The following CHAMP1 variants were observed in gnomAD, a reference collection of about 807,000 sequenced individuals.
The protein encoded by CHAMP1 is chromosome alignment-maintaining phosphoprotein 1.
Under a neutral mutation model 54.5 loss-of-function variants are expected in CHAMP1, and 4 were observed. The observed-to-expected ratio is 0.07, with a 90% confidence interval of 0.04 to 0.17. The LOEUF is 0.17. CHAMP1 is among the 10% of genes least tolerant of loss of function. The pLI, the probability that CHAMP1 is intolerant of heterozygous loss-of-function variation, is 1.00. For missense variants in CHAMP1, 994 were observed against 968.6 expected (o/e 1.03, Z -0.35); for synonymous variants, 368 against 342.2 (o/e 1.08, Z -0.83).
chr13:114,326,741 A>C lies in CHAMP1; in HGVS notation c.*460A>C, dbSNP rs1304256671. 6.0e-6 allele frequency: 1 copy of C among 167,230 alleles called. No homozygotes were observed. Among genetic ancestry groups the C allele is most frequent in the Non-Finnish European group, 1.5e-5 (1 of 68,344 alleles). The allele number at this position is 167,230 out of a possible 1,614,324, so 10.4% of individuals were successfully genotyped here. ...TTTTAAATCATAAGAGTTATTTTCTATCTGATGTAAAATTAGTTTATAAAT... is the reference window on the plus strand; with the variant it reads ...TTTTAAATCATAAGAGTTATTTTCTCTCTGATGTAAAATTAGTTTATAAAT... On this transcript the variant is annotated 3_prime_UTR_variant, in exon 3 of 3. Coordinates refer to ENST00000361283, the MANE Select transcript of CHAMP1 (RefSeq NM_032436.4).
In CHAMP1 at chr13:114,326,551, A is replaced by G. The variant is rs1268502465; in HGVS notation, c.*270A>G. ...AATATGTATGAATAATAATACAAGG[A>G]AGTAGGCATTCCATTTAATAATCAA... On this transcript the variant is annotated 3_prime_UTR_variant, in exon 3 of 3. Transcript: ENST00000361283. The G allele has an allele frequency of 6.6e-6, 2 of 303,964 alleles. No homozygotes were observed. Among genetic ancestry groups the G allele is most frequent in the Non-Finnish European group, 1.3e-5 (2 of 158,604 alleles). The allele number at this position is 303,964 out of a possible 1,614,324, so 18.8% of individuals were successfully genotyped here.
Position 114,325,837 on chromosome 13 carries a change from T to C in CHAMP1, c.1995T>C (p.Phe665=), listed in dbSNP as rs1555379924. 1 of 1,614,154 alleles carries C rather than the reference T, an allele frequency of 6.2e-7. No individual in the cohort carries two copies. The highest frequency in any genetic ancestry group is 2.2e-5 in the East Asian group (1 of 44,876). The change falls in exon 3 of 3, where the codon TTT becomes TTC. Residue 665 remains phenylalanine, a synonymous_variant. Transcript: ENST00000361283. ...AGGTTGATGTGGAATCCATTGATTT[T>C]AGCAAAGAGAACAAAATGGACATGA... The part of the protein sequence containing the change: ...QEQVDVESID[F]SKENKMDMTS...
At chr13:114,322,587 T>G (rs1444327039) in intron 2 of CHAMP1, 1 of 152,218 alleles carries the variant, frequency 6.6e-6, no homozygotes. Context: ...AATAGAAGTT[T>G]TTGAGAGTTT....
At chr13:114,320,760 T>C (rs1348607436) in intron 1 of CHAMP1, among the ~76,000 whole-genome samples, 16 of 151,978 alleles carry the variant, frequency 1.1e-4, no homozygotes, top group Admixed American at 6.6e-5. Flanking sequence ...ATCGAGACCA[T>C]CCTGGCTAAC....
rs1008103994 is a variant in CHAMP1, at chr13:114,324,629, G to C, written c.787G>C (p.Ala263Pro). The C allele has an allele frequency of 6.2e-7, 1 of 1,613,990 alleles. No individual in the cohort carries two copies. Among genetic ancestry groups the C allele is most frequent in the South Asian group, 1.1e-5 (1 of 91,060 alleles). The change falls in exon 3 of 3, where the codon GCA becomes CCA. Residue 263 changes from alanine to proline, a missense_variant. Transcript: ENST00000361283. ...SPEPWGPSPA[A>P]SPESRKSART... ...AGAACCTTGGGGACCATCCCCAGCT[G>C]CATCTCCAGAATCTCGGAAGTCAGC...
chr13:114,322,293 T>G (rs1555379193), intron 2 of CHAMP1: 1 of 152,162 alleles, frequency 6.6e-6, no homozygotes, highest in African/African-American at 2.4e-5. Context: ...CTGCCCGGCC[T>G]CCCAAAGTGC....
rs185537495 is a variant in CHAMP1, at chr13:114,320,810, G to T, written c.-178-300G>T. Among the ~76,000 whole-genome samples, 502 of 152,152 alleles carry T rather than the reference G, an allele frequency of 3.3e-3. 4 individuals carry two copies. The highest frequency in any genetic ancestry group is 0.011 in the African/African-American group (475 of 41,508). The stretch of plus-strand genomic sequence containing the variant: ...TCTCTACTAAAAATACAAAAAACTA[G>T]CCGGGCGTGGTGGCGGGCGCCTGTA... On this transcript the variant is annotated intron_variant, in intron 1 of 2. Coordinates refer to ENST00000361283, the MANE Select transcript of CHAMP1 (RefSeq NM_032436.4).
chr13:114,325,077 T>A lies in CHAMP1; in HGVS notation c.1235T>A (p.Val412Asp), dbSNP rs2087227058. The A allele has an allele frequency of 6.2e-7, 1 of 1,614,066 alleles. No homozygotes were observed. The highest frequency in any genetic ancestry group is 8.5e-7 in the Non-Finnish European group (1 of 1,180,006). ...PTLSPEHWKA[V>D]PPVSPELRKP... The stretch of plus-strand genomic sequence containing the variant: ...TTGTCTCCTGAACATTGGAAGGCAG[T>A]TCCCCCAGTGTCTCCAGAGCTTCGC... The change falls in exon 3 of 3, where the codon GTT becomes GAT. Residue 412 changes from valine to aspartate, a missense_variant. Val to Asp is a radical substitution (Grantham distance 152). Around this residue, in one of 3 missense-constraint regions of CHAMP1, gnomAD observed 851 missense variants for 701.3 expected, o/e 1.21. Transcript: ENST00000361283.
At chr13:114,318,461 C>T (rs2087126865) in intron 1 of CHAMP1, among the ~76,000 whole-genome samples, 1 of 152,000 alleles carries the variant, frequency 6.6e-6, no homozygotes, top group Non-Finnish European at 1.5e-5. Context: ...GTAGCTGGGA[C>T]TATAGGTGCA....
rs1555379668 is a variant in CHAMP1, at chr13:114,324,974, A to C, written c.1132A>C (p.Ser378Arg). Residue 378 changes from serine (S) to arginine (R), a missense_variant, in exon 3 of 3, where the codon AGC (serine) becomes CGC (arginine). This residue lies in a region of CHAMP1 where 851 missense variants were observed against 701.3 expected (regional missense o/e 1.21). Transcript: ENST00000361283. ...CTGGAAATCTTCATCAGTCTCACCCAGCTCCTGGAAGTCTCCCCCTGCATC... is the reference window on the plus strand; with the variant it reads ...CTGGAAATCTTCATCAGTCTCACCCCGCTCCTGGAAGTCTCCCCCTGCATC... ...ASWKSSSVSP[S>R]SWKSPPASPE... 6.2e-7 allele frequency: 1 copy of C among 1,613,868 alleles called. No individual in the cohort carries two copies. The highest frequency in any genetic ancestry group is 8.5e-7 in the Non-Finnish European group (1 of 1,179,976).
Position 114,326,117 on chromosome 13 carries a change from G to A in CHAMP1, c.2275G>A (p.Ala759Thr). The stretch of plus-strand genomic sequence containing the variant: ...ATCTCTCCTTAAAAATCATGTAGCA[G>A]CCCATGGGCAAAGTTTACTTAAATG... ...LESLLKNHVA[A>T]HGQSLLKCPR... Residue 759 changes from alanine (A) to threonine (T), a missense_variant, in exon 3 of 3, where the codon GCC becomes ACC. Around this residue, in one of 3 missense-constraint regions of CHAMP1, gnomAD observed 59 missense variants for 146.7 expected, o/e 0.40. Coordinates refer to ENST00000361283, the MANE Select transcript of CHAMP1 (RefSeq NM_032436.4). 6.2e-7 allele frequency: 1 copy of A among 1,613,180 alleles called. No homozygotes were observed. Among genetic ancestry groups the A allele is most frequent in the South Asian group, 1.1e-5 (1 of 90,872 alleles).
intron 1 of CHAMP1, among the ~76,000 whole-genome samples, chr13:114,320,824 C>T (rs1195195793): frequency 1.3e-5 from 2 of 152,034 alleles, no homozygotes; most frequent in South Asian, 2.1e-4. Context: ...GGCGTGGTGG[C>T]GGGCGCCTGT....
In CHAMP1 at chr13:114,323,765, A is replaced by G. The variant is rs184650795; in HGVS notation, c.-55-23A>G. 3 of 1,499,510 alleles carry G rather than the reference A, an allele frequency of 2.0e-6. No individual in the cohort carries two copies. The East Asian group carries it at 6.8e-5, about 34-fold the overall frequency. 92.9% of individuals were successfully genotyped at this position (1,499,510 alleles called of 1,614,324 possible). A position where few individuals can be genotyped will look rare whatever the true frequency, so the allele number is the denominator to read the frequency against. On this transcript the variant is annotated intron_variant, in intron 2 of 2. Transcript: ENST00000361283. ...ATTCAGAATTACAGTTCATGAAAAT[A>G]ATTTATTCCTACTTTATTGCAGCAG...
intron 1 of CHAMP1, among the ~76,000 whole-genome samples, chr13:114,315,521 A>G (rs2087086046): frequency 6.6e-6 from 1 of 152,234 alleles, no homozygotes; most frequent in Non-Finnish European, 1.5e-5. Flanking sequence ...ACCATTGTTC[A>G]TCTTTAGAAA....
Position 114,324,263 on chromosome 13 carries a change from T to G in CHAMP1, c.421T>G (p.Leu141Val). The change falls in exon 3 of 3, where the codon TTG becomes GTG. Residue 141 changes from leucine (L) to valine (V), a missense_variant. Leu to Val is a conservative substitution (Grantham distance 32). Transcript: ENST00000361283. ...SMETQKLGSV[L>V]SPESPKPTPL... is the part of the protein sequence containing the mutation. ...GGAAACACAGAAACTTGGTTCAGTT[T>G]TGTCTCCAGAATCGCCAAAACCTAC... 4 of 1,614,166 alleles carry G rather than the reference T, an allele frequency of 2.5e-6. No homozygotes were observed. The highest frequency in any genetic ancestry group is 3.4e-6 in the Non-Finnish European group (4 of 1,180,022).
intron 1 of CHAMP1, among the ~76,000 whole-genome samples, chr13:114,318,099 C>T (rs1050668388): frequency 2.0e-5 from 3 of 152,128 alleles, no homozygotes; most frequent in African/African-American, 7.2e-5. Context: ...GTAACATCTT[C>T]GTGGATCGTT....
At chr13:114,315,858 G>A (rs943363909) in intron 1 of CHAMP1, among the ~76,000 whole-genome samples, 33 of 142,100 alleles carry the variant, frequency 2.3e-4, no homozygotes, top group African/African-American at 6.1e-4. Context: ...TTTTTGAGAC[G>A]GGAGTTTCGC....
Position 114,317,405 on chromosome 13 carries a change from C to G in CHAMP1, c.-179+2762C>G, listed in dbSNP as rs186375093. Among the ~76,000 whole-genome samples the G allele has an allele frequency of 4.7e-3, 718 of 151,992 alleles. 7 individuals are homozygous for G. The highest frequency in any genetic ancestry group is 8.0e-3 in the Admixed American group (123 of 15,282). ...CTTTGAGAGGCCAAGGCAACAAGAT[C>G]TCTGGAGGCCAGGAGTTCAGGACCA... On this transcript the variant is annotated intron_variant, in intron 1 of 2. Coordinates refer to ENST00000361283, the MANE Select transcript of CHAMP1 (RefSeq NM_032436.4).
At chr13:114,315,698 A>T (rs2087088416) in intron 1 of CHAMP1, among the ~76,000 whole-genome samples, 1 of 152,204 alleles carries the variant, frequency 6.6e-6, no homozygotes, top group Non-Finnish European at 1.5e-5. Context: ...TGGAGAGTGG[A>T]AGTTACTGTT....
Sources: gnomAD v4.1 joint callset for allele counts (sites outside exome capture counted in the v4.1 genomes callset) on GRCh38, gnomAD v4.1.1 for gene constraint, gnomAD v4.1.1 regional missense constraint, MANE v1.5 for transcripts, NCBI Gene and HGNC (gene_info 2026-07-23, HGNC 2026-07-21) for gene names.